Variants in IL1RAPL1 observed in about 807,000 individuals in gnomAD.
The protein encoded by IL1RAPL1 is interleukin 1 receptor accessory protein like 1, also known as interleukin-1 receptor accessory protein-like 1.
A neutral mutation model predicts 48.4 loss-of-function variants in IL1RAPL1; 3 were observed. The observed-to-expected ratio is 0.06, with a 90% CI of 0.03 to 0.16. The LOEUF (loss-of-function observed/expected upper bound fraction) is 0.16. IL1RAPL1 is among the 10% of genes least tolerant of loss of function. The pLI is 1.00. For synonymous variants in IL1RAPL1, 185 were observed against 187.7 expected, an observed-to-expected ratio of 0.99 and a Z score of 0.12; for missense variants, 349 against 530.6, an observed-to-expected ratio of 0.66 and a Z score of 3.36.
At chrX:29,658,305 A>G (rs1264904360) in intron 5 of IL1RAPL1, among the ~76,000 whole-genome samples, 2 of 111,715 alleles carry the variant, frequency 1.8e-5, no homozygotes, top group Non-Finnish European at 3.8e-5. Context: ...CATAAAGGAC[A>G]AATGTAGAAG....
intron 5 of IL1RAPL1, among the ~76,000 whole-genome samples, chrX:29,409,909 G>A (rs1290501104): frequency 3.1e-5 from 3 of 96,152 alleles, no homozygotes; most frequent in East Asian, 3.4e-4. Context: ...CACAACCTCC[G>A]CCTCCCAGGT....
intron 5 of IL1RAPL1, among the ~76,000 whole-genome samples, chrX:29,501,604 G>C (rs1935274506): frequency 9.0e-6 from 1 of 111,154 alleles, no homozygotes; most frequent in Non-Finnish European, 1.9e-5. Context: ...TGTTGCGTTT[G>C]TCAAAAATGA....
intron 6 of IL1RAPL1, among the ~76,000 whole-genome samples, chrX:29,891,245 T>C (rs1218465759): frequency 8.9e-6 from 1 of 112,262 alleles, no homozygotes. Flanking sequence ...AAGAATAACA[T>C]CAATGATGCC....
intron 2 of IL1RAPL1, among the ~76,000 whole-genome samples, chrX:29,264,072 T>C (rs1931910863): frequency 9.0e-6 from 1 of 110,722 alleles, no homozygotes; most frequent in African/African-American, 3.3e-5. Context: ...ACATGCACTA[T>C]ATATATATAT....
intron 2 of IL1RAPL1, among the ~76,000 whole-genome samples, chrX:29,252,689 C>T (rs929756498): frequency 5.4e-5 from 6 of 110,541 alleles, no homozygotes; most frequent in African/African-American, 2.0e-4. Flanking sequence ...AAATTGTCCA[C>T]TACCATACTG....
At chrX:29,519,501 A>G (rs1935480990) in intron 5 of IL1RAPL1, among the ~76,000 whole-genome samples, 1 of 111,927 alleles carries the variant, frequency 8.9e-6, no homozygotes, top group Non-Finnish European at 1.9e-5. Flanking sequence ...GTGTTTACTT[A>G]GAGCAAGTCG....
chrX:29,434,007 GATGATAACT>G (rs1241484323), intron 5 of IL1RAPL1, among the ~76,000 whole-genome samples: 1 of 109,604 alleles, frequency 9.1e-6, no homozygotes, highest in Non-Finnish European at 1.9e-5. Flanking sequence ...AAATAAAGAT[GATGATAACT>G]ATGGATACAT....
intron 6 of IL1RAPL1, among the ~76,000 whole-genome samples, chrX:29,670,830 C>T (rs965721198): frequency 1.8e-5 from 2 of 111,638 alleles, no homozygotes; most frequent in Non-Finnish European, 3.8e-5. Context: ...AGTGAAGAGT[C>T]ACGGGTTGGG....
intron 2 of IL1RAPL1, among the ~76,000 whole-genome samples, chrX:28,951,301 G>A (rs1924458591): frequency 9.1e-6 from 1 of 109,366 alleles, no homozygotes; most frequent in Admixed American, 9.8e-5. Context: ...CAAATTTGAA[G>A]GGAATTCTCA....
At chrX:28,665,167 A>T (rs1340480228) in intron 1 of IL1RAPL1, among the ~76,000 whole-genome samples, 1 of 111,044 alleles carries the variant, frequency 9.0e-6, no homozygotes, top group East Asian at 2.8e-4. Flanking sequence ...GACATCTCTG[A>T]CCAACAACTA....
chrX:29,356,202 G>T (rs1933299514), intron 3 of IL1RAPL1, among the ~76,000 whole-genome samples: 1 of 110,868 alleles, frequency 9.0e-6, no homozygotes, highest in Admixed American at 9.7e-5. Flanking sequence ...GCCCAGGCTA[G>T]TGCTGTTTCT....
At chrX:29,532,068 T>G (rs1921060886) in intron 5 of IL1RAPL1, among the ~76,000 whole-genome samples, 2 of 111,979 alleles carry the variant, frequency 1.8e-5, no homozygotes, top group African/African-American at 6.5e-5. Flanking sequence ...AACACATAGA[T>G]AATTACAGTC....
intron 2 of IL1RAPL1, among the ~76,000 whole-genome samples, chrX:29,054,171 A>G (rs968888619): frequency 5.4e-5 from 6 of 111,229 alleles, no homozygotes; most frequent in African/African-American, 2.0e-4. Context: ...TACCTGACTG[A>G]GAGCATCACC....
chrX:29,024,118 A>G (rs891809208), intron 2 of IL1RAPL1, among the ~76,000 whole-genome samples: 1 of 111,983 alleles, frequency 8.9e-6, no homozygotes, highest in Non-Finnish European at 1.9e-5. Context: ...GACTTTCTCA[A>G]ACCACACAGA....
At chrX:29,113,929 A>C (rs1408613098) in intron 2 of IL1RAPL1, among the ~76,000 whole-genome samples, 1 of 111,911 alleles carries the variant, frequency 8.9e-6, no homozygotes, top group Non-Finnish European at 1.9e-5. Flanking sequence ...TTTAGAGGGA[A>C]TTATTTTGAC....
intron 5 of IL1RAPL1, among the ~76,000 whole-genome samples, chrX:29,640,845 AATTAC>A (rs1925142717): frequency 8.9e-6 from 1 of 111,807 alleles, no homozygotes; most frequent in African/African-American, 3.3e-5. Flanking sequence ...CTTAAACACA[AATTAC>A]ATTACATTAT....
rs1205287437 is a variant in IL1RAPL1, at chrX:28,708,650, T to C, written c.-24-80670T>C. Among the ~76,000 whole-genome samples the C allele has an allele frequency of 9.9e-5, 11 of 111,452 alleles. No homozygotes were observed. In the Admixed American group the frequency reaches 1.1e-3, roughly 11 times the overall value. ...AGGTATAAAAAAGAATGAAATAATG[T>C]CATTTGCAGCAACATGGATGGAACT... is the stretch of plus-strand genomic sequence containing the variant. On this transcript the variant is annotated intron_variant, in intron 1 of 10. Coordinates refer to ENST00000378993, the MANE Select transcript of IL1RAPL1 (RefSeq NM_014271.4).
chrX:28,730,757 A>G (rs1158292859), intron 1 of IL1RAPL1, among the ~76,000 whole-genome samples: 4 of 111,971 alleles, frequency 3.6e-5, no homozygotes, highest in African/African-American at 9.7e-5. Context: ...CCTAGACCTG[A>G]TGTTTTAACA....
chrX:29,781,345 G>A (rs1330657457), intron 6 of IL1RAPL1, among the ~76,000 whole-genome samples: 1 of 111,715 alleles, frequency 9.0e-6, no homozygotes, highest in Non-Finnish European at 1.9e-5. Flanking sequence ...TGGCAGAAAA[G>A]TAGTGACTCC....
Sources: gnomAD v4.1 joint callset for allele counts (sites outside exome capture counted in the v4.1 genomes callset) on GRCh38, gnomAD v4.1.1 for gene constraint, MANE v1.5 for transcripts, NCBI Gene and HGNC (gene_info 2026-07-23, HGNC 2026-07-21) for gene names.